OTOA: variants seen among roughly 807,000 people sequenced by gnomAD.
OTOA encodes cancer/testis antigen 108.
Under a neutral mutation model 110.8 loss-of-function variants are expected in OTOA, and 70 were observed. That is an observed-to-expected ratio of 0.63 (90% CI 0.52 to 0.77). OTOA has a LOEUF of 0.77. OTOA is among the 30% of genes least tolerant of loss of function. The pLI is 0.00. For synonymous variants in OTOA, 373 were observed against 431.5 expected (o/e 0.86, Z 1.68); for missense variants, 917 against 1,075.8 (o/e 0.85, Z 2.06).
chr16:21,664,978 G>T (rs201382626), intron 1 of OTOA, among the ~76,000 whole-genome samples: 1 of 144,926 alleles, frequency 6.9e-6, no homozygotes. Flanking sequence ...TCTCATGAAT[G>T]AATAAATAAA....
intron 12 of OTOA, chr16:21,705,536 G>T (rs1256668563): frequency 3.5e-6 from 2 of 568,708 alleles, no homozygotes; most frequent in Non-Finnish European, 3.0e-6. Context: ...TCAGCCAGGC[G>T]CGGTGGCTCA....
At chr16:21,665,131 T>A (rs938069901) in intron 1 of OTOA, among the ~76,000 whole-genome samples, 3 of 152,218 alleles carry the variant, frequency 2.0e-5, no homozygotes, top group African/African-American at 7.2e-5. Context: ...CACAGCTGGT[T>A]AAGGTTTGGT....
At chr16:21,695,612 C>A (rs1309987795) in intron 9 of OTOA, among the ~76,000 whole-genome samples, 1 of 151,714 alleles carries the variant, frequency 6.6e-6, no homozygotes, top group African/African-American at 2.4e-5. Flanking sequence ...GAGAGGCACT[C>A]CATATTTTCT....
At chr16:21,685,184 C>G in intron 6 of OTOA, 46 bp from the exon 7 acceptor site, 2 of 1,606,076 alleles carry the variant, frequency 1.2e-6, no homozygotes, top group Non-Finnish European at 1.7e-6. Context: ...ACCATGTGCT[C>G]CTGCTCTTTC....
chr16:21,755,447 CGTGTGTGTGTGT>C (rs4016992), intron 27 of OTOA, among the ~76,000 whole-genome samples: 83 of 68,604 alleles, frequency 1.2e-3, no homozygotes, highest in African/African-American at 2.9e-3. Flanking sequence ...ACCACCCCAC[CGTGTGTGTGTGT>C]GTGTGTGTGT....
At position 21,760,478 on chromosome 16, in the gene OTOA, C is replaced by T. The variant is rs1342340794; in HGVS notation, c.3358C>T (p.Gln1120Ter). Residue 1120 changes from glutamine (Q) to a stop codon, truncating the protein, a stop_gained, in exon 29 of 29, where the codon CAG becomes TAG. Coordinates refer to ENST00000646100, the MANE Select transcript of OTOA (RefSeq NM_144672.4). LOFTEE classifies it high-confidence loss of function. ...TTTGTATTTGCTTTTAGGAGCTCTCCAGTCGTGGGGTCTTTGGCTTGGTTG... is the reference window on the plus strand; with the variant it reads ...TTTGTATTTGCTTTTAGGAGCTCTCTAGTCGTGGGGTCTTTGGCTTGGTTG... ...SSSRSPAGAL[Q>*]SWGLWLGCPL... is the part of the protein sequence containing the mutation. 1.3e-6 allele frequency: 2 copies of T among 1,591,550 alleles called. No homozygotes were observed. Among genetic ancestry groups the T allele is most frequent in the South Asian group, 2.2e-5 (2 of 90,582 alleles).
chr16:21,690,237 G>T (rs1358309857), intron 8 of OTOA, among the ~76,000 whole-genome samples: 1 of 152,062 alleles, frequency 6.6e-6, no homozygotes, highest in Non-Finnish European at 1.5e-5. Flanking sequence ...GTGCAGGTTT[G>T]TTACATAGGT....
At chr16:21,691,524 CT>C (rs2141665204) in intron 8 of OTOA, 59 bp from the exon 9 acceptor site, 1 of 1,439,494 alleles carries the variant, frequency 6.9e-7, no homozygotes, top group Non-Finnish European at 9.7e-7. Flanking sequence ...TTGTGACTCC[CT>C]TTTTAATGCA....
intron 28 of OTOA, among the ~76,000 whole-genome samples, chr16:21,757,699 A>G (rs1283834836): frequency 1.3e-5 from 2 of 151,846 alleles, no homozygotes; most frequent in Non-Finnish European, 2.9e-5. Flanking sequence ...GCTCACTGCA[A>G]CCTCCACCTC....
chr16:21,736,650 G>A (rs1206763377), intron 22 of OTOA, among the ~76,000 whole-genome samples: 1 of 152,164 alleles, frequency 6.6e-6, no homozygotes, highest in Non-Finnish European at 1.5e-5. Context: ...GGCCAACATG[G>A]CGAAACCCTG....
intron 14 of OTOA, 128 bp from the exon 15 acceptor site, chr16:21,716,779 A>AC: frequency 9.5e-7 from 1 of 1,052,406 alleles, no homozygotes; most frequent in East Asian, 2.4e-5. Flanking sequence ...GGATGATGCT[A>AC]CTCTCCACTT....
Position 21,715,090 on chromosome 16 carries a change from A to C in OTOA, c.1426A>C (p.Ser476Arg). ...KRKDISQVLR[S>R]AVSQYVSDLS... ...CAAGGACATCTCGCAGGTCCTGAGA[A>C]GTGCCGTCTCCCAGTATGTATCCGA... Residue 476 changes from serine to arginine, a missense_variant, in exon 14 of 29, where the codon AGT (serine) becomes CGT (arginine). Around this residue, in one of 6 missense-constraint regions of OTOA, gnomAD observed 840 missense variants for 910.2 expected, o/e 0.92. Coordinates refer to ENST00000646100, the MANE Select transcript of OTOA (RefSeq NM_144672.4). 6.2e-7 allele frequency: 1 copy of C among 1,614,240 alleles called. No individual in the cohort carries two copies. The highest frequency in any genetic ancestry group is 2.2e-5 in the East Asian group (1 of 44,892).
At chr16:21,723,086 A>C in intron 18 of OTOA, 108 bp downstream of exon 18, 2 of 1,115,800 alleles carry the variant, frequency 1.8e-6, no homozygotes, top group East Asian at 4.8e-5. Flanking sequence ...AACCAGAGGC[A>C]GAGTGGAGGA....
At chr16:21,710,136 C>T (rs947756442) in intron 13 of OTOA, 33 bp downstream of exon 13, 3 of 1,541,454 alleles carry the variant, frequency 1.9e-6, no homozygotes, top group African/African-American at 1.4e-5. Context: ...TTTTTATTCC[C>T]CTAAGATGAC....
chr16:21,754,266 G>T (rs2141762013), intron 27 of OTOA, among the ~76,000 whole-genome samples: 1 of 108,832 alleles, frequency 9.2e-6, no homozygotes, highest in African/African-American at 3.3e-5. Context: ...GGGAGTGTTT[G>T]GTGGGAATAG....
chr16:21,716,805 C>T (rs377364526), intron 14 of OTOA, 102 bp from the exon 15 acceptor site: 91 of 1,378,662 alleles, frequency 6.6e-5, no homozygotes, highest in East Asian at 3.4e-4. Context: ...GGTTGCTGAG[C>T]GGGTCTGATG....
At position 21,760,624 on chromosome 16, in the gene OTOA, C is replaced by G. The variant is rs1451306009; in HGVS notation, c.*84C>G. ...AGGATGCTCCAGATGGTGGGACACC[C>G]TTCCCTGGATCCAGACCCTCATCTA... On this transcript the variant is annotated 3_prime_UTR_variant, in exon 29 of 29. Transcript: ENST00000646100. 740 of 1,241,852 alleles carry G rather than the reference C, an allele frequency of 6.0e-4. 1 individual carries two copies. In the African/African-American group the frequency reaches 7.0e-3, roughly 12 times the overall value. 76.9% of individuals were successfully genotyped at this position (1,241,852 alleles called of 1,614,324 possible). A position where few individuals can be genotyped will look rare whatever the true frequency, so the allele number is the denominator to read the frequency against.
chr16:21,722,224 T>G (rs1898771891), intron 17 of OTOA, among the ~76,000 whole-genome samples: 1 of 147,904 alleles, frequency 6.8e-6, no homozygotes, highest in African/African-American at 2.5e-5. Flanking sequence ...ATTACACCAC[T>G]GTACTACAGC....
rs1324029370 is a variant in OTOA at position 21,758,884 on chromosome 16, C to T, written c.3350-1586C>T. On this transcript the variant is annotated intron_variant, in intron 28 of 28. Transcript: ENST00000646100. ...GGGTGTGGTGGGGGGCACCTGTAAT[C>T]CCAGCTATTCGGGAGGCTAAGGCAG... is the stretch of plus-strand genomic sequence containing the variant. 6.0e-5 allele frequency among the ~76,000 whole-genome samples: 9 copies of T among 151,260 alleles called. No individual in the cohort carries two copies. In the East Asian group the frequency reaches 1.2e-3, roughly 20 times the overall value.
Sources: allele counts gnomAD v4.1 joint callset (sites outside exome capture counted in the v4.1 genomes callset), GRCh38; gene constraint gnomAD v4.1.1; regional missense constraint gnomAD v4.1.1; transcripts MANE v1.5; gene names NCBI Gene and HGNC (gene_info 2026-07-23, HGNC 2026-07-21).